The following TSHZ1 variants were observed in gnomAD, a reference collection of about 807,000 sequenced individuals.
TSHZ1 encodes teashirt zinc finger homeobox 1.
In TSHZ1, 12 loss-of-function variants were observed where a neutral mutation model predicts 67.1. That is an observed-to-expected ratio of 0.18 (90% confidence interval 0.11 to 0.29). TSHZ1 has a LOEUF of 0.29. Among genes scored for constraint, TSHZ1 ranks in the 10% least tolerant of loss-of-function variants. The pLI is 1.00. For synonymous variants in TSHZ1, 632 were observed against 622.4 expected (o/e 1.02, Z -0.23); for missense variants, 1,305 against 1,413.9 (o/e 0.92, Z 1.23).
intron 1 of TSHZ1, among the ~76,000 whole-genome samples, chr18:75,215,459 G>C (rs1568350623): frequency 6.6e-6 from 1 of 152,124 alleles, no homozygotes; most frequent in Non-Finnish European, 1.5e-5. Context: ...CACACACAAA[G>C]AAAACTGATA....
At chr18:75,280,908 T>TCCC (rs1368243094) in intron 1 of TSHZ1, 1 of 788,514 alleles carries the variant, frequency 1.3e-6, no homozygotes. Context: ...CCTGGAGGGA[T>TCCC]GAGGGAGGGC....
At chr18:75,213,244 C>T (rs1387736649) in intron 1 of TSHZ1, among the ~76,000 whole-genome samples, 1 of 152,152 alleles carries the variant, frequency 6.6e-6, no homozygotes, top group Non-Finnish European at 1.5e-5. Flanking sequence ...TAGAGATGCT[C>T]TCAAAGAGTT....
In TSHZ1 at chr18:75,210,894, TGA is replaced by T. The variant is rs376458726; in HGVS notation, c.-981_-980del. The T allele has an allele frequency of 0.13, 11,439 of 88,446 alleles. 653 individuals are homozygous for T. Among genetic ancestry groups the T allele is most frequent in the Middle Eastern group, 0.31 (60 of 192 alleles). 5.5% of individuals were successfully genotyped at this position (88,446 alleles called of 1,614,324 possible). On this transcript the variant is annotated 5_prime_UTR_variant, in exon 1 of 2. Coordinates refer to ENST00000580243, the MANE Select transcript of TSHZ1 (RefSeq NM_001308210.2). ...TGCATCTCCCTCTCTCCCAGGAGTT[TGA>T]GGGGGGGGGGGACAGTCCACGCTCA...
chr18:75,274,540 A>G (rs8084008), intron 1 of TSHZ1, among the ~76,000 whole-genome samples: 23,931 of 152,190 alleles, frequency 0.16, 1,978 homozygotes, highest in South Asian at 0.23. Flanking sequence ...AAATATCATA[A>G]TATATTCCAG....
chr18:75,229,876 A>G lies in TSHZ1; in HGVS notation c.40+17960A>G, dbSNP rs75244256. Among the ~76,000 whole-genome samples, 231 of 152,338 alleles carry G rather than the reference A, an allele frequency of 1.5e-3. 2 individuals carry two copies. The East Asian group carries it at 0.04, about 27-fold the overall frequency. On this transcript the variant is annotated intron_variant, in intron 1 of 1. Coordinates refer to ENST00000580243, the MANE Select transcript of TSHZ1 (RefSeq NM_001308210.2). Reference sequence around the variant, plus strand: ...AGAAAGATGGTGAAAGGAATTGCCCATGCCTCCTTTTGAATGTTAAGTAAA... The same window carrying G: ...AGAAAGATGGTGAAAGGAATTGCCCGTGCCTCCTTTTGAATGTTAAGTAAA...
chr18:75,280,330 TA>T (rs1310761966), intron 1 of TSHZ1, among the ~76,000 whole-genome samples: 2 of 152,262 alleles, frequency 1.3e-5, no homozygotes, highest in African/African-American at 4.8e-5. Context: ...ATGATTGGGC[TA>T]AAGAGCATCA....
intron 1 of TSHZ1, among the ~76,000 whole-genome samples, chr18:75,251,349 TTTC>T (rs565675461): frequency 7.2e-5 from 11 of 152,196 alleles, no homozygotes; most frequent in Admixed American, 3.9e-4. Flanking sequence ...GGTCTTTTTC[TTTC>T]TTGTTTTTTT....
Position 75,235,265 on chromosome 18 carries a change from G to T in TSHZ1, c.40+23349G>T, listed in dbSNP as rs113922254. ...TTGGTTTCCTGACATGTGGCGTTGG[G>T]TCCCTTATGCTCATTCTTGCCTTTC... On this transcript the variant is annotated intron_variant, in intron 1 of 1. Coordinates refer to ENST00000580243, the MANE Select transcript of TSHZ1 (RefSeq NM_001308210.2). Among the ~76,000 whole-genome samples the T allele has an allele frequency of 5.8e-3, 878 of 152,246 alleles. 16 individuals are homozygous for T. The highest frequency in any genetic ancestry group is 0.02 in the African/African-American group (813 of 41,538).
chr18:75,247,254 G>T (rs1028847968), intron 1 of TSHZ1, among the ~76,000 whole-genome samples: 2 of 152,200 alleles, frequency 1.3e-5, no homozygotes, highest in African/African-American at 4.8e-5. Context: ...CCAGGAGCAG[G>T]CCATGCGGTC....
In TSHZ1 at chr18:75,212,016, C is replaced by T. The variant is rs1044265465; in HGVS notation, c.40+100C>T. On this transcript the variant is annotated intron_variant, in intron 1 of 1. Transcript: ENST00000580243. ...GTGCGGGACGTGGGCCGCGGGCCGC[C>T]CCAAGCTGGGGAGGGGAGGCCCAGC... is the stretch of plus-strand genomic sequence containing the variant. 4.5e-5 allele frequency: 44 copies of T among 979,246 alleles called. No homozygotes were observed. The East Asian group carries it at 1.5e-3, about 34-fold the overall frequency. 60.7% of individuals were successfully genotyped at this position (979,246 alleles called of 1,614,324 possible). A position where few individuals can be genotyped will look rare whatever the true frequency, so the allele number is the denominator to read the frequency against.
intron 1 of TSHZ1, among the ~76,000 whole-genome samples, chr18:75,264,997 T>C (rs188442906): frequency 1.3e-5 from 2 of 152,358 alleles, no homozygotes; most frequent in Admixed American, 1.3e-4. Flanking sequence ...ATTTTTTGGC[T>C]TAAATTGGTA....
At chr18:75,263,839 G>A (rs1378005401) in intron 1 of TSHZ1, among the ~76,000 whole-genome samples, 7 of 152,144 alleles carry the variant, frequency 4.6e-5, no homozygotes, top group Non-Finnish European at 1.0e-4. Flanking sequence ...GAGTTTGGAG[G>A]GGAGGAAGCT....
At chr18:75,247,979 C>T (rs1052865557) in intron 1 of TSHZ1, among the ~76,000 whole-genome samples, 3 of 151,862 alleles carry the variant, frequency 2.0e-5, no homozygotes, top group African/African-American at 7.3e-5. Context: ...GCTTCCGGTG[C>T]ATTCAGAAAC....
At chr18:75,225,449 C>T (rs777332332) in intron 1 of TSHZ1, among the ~76,000 whole-genome samples, 5 of 152,208 alleles carry the variant, frequency 3.3e-5, no homozygotes, top group Non-Finnish European at 7.3e-5. Flanking sequence ...CTGTCCACGC[C>T]GCTTTCTTCT....
At chr18:75,236,757 C>G (rs1222217310) in intron 1 of TSHZ1, among the ~76,000 whole-genome samples, 1 of 152,126 alleles carries the variant, frequency 6.6e-6, no homozygotes, top group Admixed American at 6.5e-5. Flanking sequence ...ACTCCACTTG[C>G]ATTATATAAT....
chr18:75,272,237 A>T (rs1349128791), intron 1 of TSHZ1, among the ~76,000 whole-genome samples: 4 of 152,234 alleles, frequency 2.6e-5, no homozygotes, highest in South Asian at 2.1e-4. Flanking sequence ...GGTCTGAGAG[A>T]TGAGAATCCT....
chr18:75,260,060 A>G (rs2023411528), intron 1 of TSHZ1, among the ~76,000 whole-genome samples: 1 of 152,190 alleles, frequency 6.6e-6, no homozygotes, highest in South Asian at 2.1e-4. Flanking sequence ...CTATCGGCCC[A>G]TGATTCAGCC....
At chr18:75,233,180 T>G (rs530616529) in intron 1 of TSHZ1, among the ~76,000 whole-genome samples, 5 of 152,382 alleles carry the variant, frequency 3.3e-5, no homozygotes, top group African/African-American at 1.2e-4. Context: ...TGTTCACATA[T>G]AAAAGTGATA....
At chr18:75,238,178 A>G (rs1456562171) in intron 1 of TSHZ1, among the ~76,000 whole-genome samples, 1 of 152,182 alleles carries the variant, frequency 6.6e-6, no homozygotes, top group Non-Finnish European at 1.5e-5. Context: ...CTGTATTTGC[A>G]GCCTTGCACG....
Sources: gnomAD v4.1 joint callset for allele counts (sites outside exome capture counted in the v4.1 genomes callset) on GRCh38, gnomAD v4.1.1 for gene constraint, MANE v1.5 for transcripts, NCBI Gene and HGNC (gene_info 2026-07-23, HGNC 2026-07-21) for gene names.